Variants in PACRG observed in about 807,000 individuals in gnomAD.
PACRG encodes the protein parkin coregulated gene protein.
A neutral mutation model predicts 29.7 loss-of-function variants in PACRG; 29 were observed. The observed-to-expected ratio is 0.98, with a 90% CI of 0.73 to 1.33. The LOEUF (loss-of-function observed/expected upper bound fraction) is 1.33. PACRG is among the 40% of genes most tolerant of loss of function. PACRG has a pLI of 0.00. For missense variants in PACRG, 279 were observed against 316.2 expected (o/e 0.88, Z 0.89); for synonymous variants, 116 against 118.7 (o/e 0.98, Z 0.15).
intron 4 of PACRG, among the ~76,000 whole-genome samples, chr6:163,155,239 C>T (rs1288739030): frequency 6.6e-6 from 1 of 152,214 alleles, no homozygotes; most frequent in Non-Finnish European, 1.5e-5. Context: ...ACGTATGCTT[C>T]CTCTGCCCTT....
intron 4 of PACRG, among the ~76,000 whole-genome samples, chr6:163,205,877 C>T (rs768437478): frequency 1.1e-4 from 17 of 152,032 alleles, no homozygotes; most frequent in Non-Finnish European, 1.8e-4. Flanking sequence ...AAAAACCAAA[C>T]AACCCCATTC....
intron 4 of PACRG, among the ~76,000 whole-genome samples, chr6:163,146,381 A>G (rs1200546815): frequency 1.3e-5 from 2 of 152,196 alleles, no homozygotes; most frequent in Admixed American, 1.3e-4. Context: ...CTGAATTATG[A>G]GTTATTCAGT....
At chr6:163,047,276 A>G (rs1045597573) in intron 2 of PACRG, among the ~76,000 whole-genome samples, 16 of 152,202 alleles carry the variant, frequency 1.1e-4, no homozygotes, top group African/African-American at 3.9e-4. Flanking sequence ...ACCTCTGACC[A>G]AAGTATACTA....
intron 4 of PACRG, among the ~76,000 whole-genome samples, chr6:163,113,524 A>C (rs552338690): frequency 6.6e-6 from 1 of 152,336 alleles, no homozygotes; most frequent in East Asian, 1.9e-4. Flanking sequence ...CGTATACAGA[A>C]TACTCCAAAG....
intron 2 of PACRG, among the ~76,000 whole-genome samples, chr6:162,845,921 C>T (rs1158107731): frequency 3.3e-5 from 5 of 152,168 alleles, no homozygotes; most frequent in African/African-American, 1.2e-4. Context: ...TAGAGAGTTG[C>T]TGTGTTTAAC....
chr6:163,044,687 C>G (rs1007981328), intron 2 of PACRG: 1 of 152,170 alleles, frequency 6.6e-6, no homozygotes, highest in Non-Finnish European at 1.5e-5. Context: ...TCTAGTCCCG[C>G]GGGCTACGAG....
intron 3 of PACRG, among the ~76,000 whole-genome samples, chr6:163,083,759 A>T (rs78369114): frequency 0.014 from 2,187 of 152,294 alleles, 45 homozygotes; most frequent in African/African-American, 0.051. Flanking sequence ...CATTTAAAGC[A>T]TATGTCAAAA....
intron 2 of PACRG, among the ~76,000 whole-genome samples, chr6:162,866,107 A>AT (rs1792277756): frequency 6.6e-6 from 1 of 152,240 alleles, no homozygotes; most frequent in African/African-American, 2.4e-5. Flanking sequence ...TTTCCTAGTT[A>AT]TCACTCTGAA....
At chr6:163,022,331 G>A (rs1806711921) in intron 2 of PACRG, among the ~76,000 whole-genome samples, 1 of 152,214 alleles carries the variant, frequency 6.6e-6, no homozygotes, top group Admixed American at 6.5e-5. Context: ...CGTGTAGGAA[G>A]AGAACATCAG....
At chr6:163,171,319 A>G (rs185695036) in intron 4 of PACRG, among the ~76,000 whole-genome samples, 1 of 152,340 alleles carries the variant, frequency 6.6e-6, no homozygotes, top group East Asian at 1.9e-4. Context: ...GCATCCCCAC[A>G]TTGCAATAGC....
chr6:162,956,827 C>G (rs1178923811), intron 2 of PACRG, among the ~76,000 whole-genome samples: 1 of 152,154 alleles, frequency 6.6e-6, no homozygotes, highest in Non-Finnish European at 1.5e-5. Flanking sequence ...AAGCTCACAT[C>G]ACGAGGCCCT....
chr6:163,306,366 A>C (rs760305478), intron 4 of PACRG, among the ~76,000 whole-genome samples: 1 of 152,222 alleles, frequency 6.6e-6, no homozygotes, highest in Non-Finnish European at 1.5e-5. Context: ...TAATTCAATG[A>C]TAACTGAATC....
At chr6:162,983,611 G>A (rs890730098) in intron 2 of PACRG, among the ~76,000 whole-genome samples, 12 of 151,926 alleles carry the variant, frequency 7.9e-5, no homozygotes, top group African/African-American at 2.2e-4. Flanking sequence ...TAATTATTTT[G>A]TTTGAGGAGG....
intron 1 of PACRG, among the ~76,000 whole-genome samples, chr6:162,761,961 C>T (rs1372015015): frequency 4.1e-5 from 6 of 146,790 alleles, no homozygotes; most frequent in African/African-American, 1.0e-4. Flanking sequence ...AAGAAACCCC[C>T]CCCCAAAAAA....
At chr6:163,035,499 T>C (rs985913077) in intron 2 of PACRG, among the ~76,000 whole-genome samples, 3 of 151,934 alleles carry the variant, frequency 2.0e-5, no homozygotes, top group Non-Finnish European at 2.9e-5. Context: ...ATACAAAAAT[T>C]AGCCAGGTAC....
chr6:163,215,710 C>T (rs1350621929), intron 4 of PACRG, among the ~76,000 whole-genome samples: 2 of 152,020 alleles, frequency 1.3e-5, no homozygotes, highest in African/African-American at 4.8e-5. Flanking sequence ...AAAGCAATGA[C>T]GAGTAATGGC....
At chr6:163,147,830 G>A (rs1475863110) in intron 4 of PACRG, among the ~76,000 whole-genome samples, 1 of 152,092 alleles carries the variant, frequency 6.6e-6, no homozygotes, top group Non-Finnish European at 1.5e-5. Context: ...CAGCCCCGGG[G>A]AAGATGCTAC....
At chr6:162,964,662 T>G (rs1800885383) in intron 2 of PACRG, among the ~76,000 whole-genome samples, 2 of 152,118 alleles carry the variant, frequency 1.3e-5, no homozygotes, top group African/African-American at 4.8e-5. Context: ...CCAAGTGAGC[T>G]CTTGGAAGAA....
chr6:162,784,460 A>G (rs1027345063), intron 1 of PACRG, among the ~76,000 whole-genome samples: 2 of 152,220 alleles, frequency 1.3e-5, no homozygotes, highest in Non-Finnish European at 2.9e-5. Flanking sequence ...AAGAAAGAAC[A>G]TCAGTGTGGG....
Sources: allele counts gnomAD v4.1 joint callset (sites outside exome capture counted in the v4.1 genomes callset), GRCh38; gene constraint gnomAD v4.1.1; transcripts MANE v1.5; gene names NCBI Gene and HGNC (gene_info 2026-07-23, HGNC 2026-07-21).